Variants in RGS14 observed in about 807,000 individuals in gnomAD.
RGS14 encodes the protein regulator of G protein signaling 14, also known as regulator of G-protein signaling 14.
A neutral mutation model predicts 63.8 loss-of-function variants in RGS14; 33 were observed. That is an observed-to-expected ratio of 0.52 (90% CI 0.39 to 0.69). The LOEUF is 0.69. Among genes scored for constraint, RGS14 ranks in the 30% least tolerant of loss-of-function variants. The pLI is 0.00. For missense variants in RGS14, 739 were observed against 742.9 expected (o/e 0.99, Z 0.06); for synonymous variants, 296 against 320.9 (o/e 0.92, Z 0.83).
Position 177,367,563 on chromosome 5 carries a change from TG to T in RGS14, c.627+9del. 6.2e-7 allele frequency: 1 copy of T among 1,605,544 alleles called. No homozygotes were observed. The highest frequency in any genetic ancestry group is 8.5e-7 in the Non-Finnish European group (1 of 1,175,916). Reference sequence around the variant, plus strand: ...GCCCTGACGCCACGAGGAAGGTGCGTGGGACTGGGCGAGGGACTGGGCGAGG... The same window carrying T: ...GCCCTGACGCCACGAGGAAGGTGCGTGGACTGGGCGAGGGACTGGGCGAGG... On this transcript the variant is annotated splice_region_variant and intron_variant, in intron 6 of 14. Coordinates refer to ENST00000408923, the MANE Select transcript of RGS14 (RefSeq NM_006480.5).
chr5:177,367,799 G>A lies in RGS14; in HGVS notation c.713G>A (p.Arg238His). Reference sequence around the variant, plus strand: ...CCACCCGTTGAGGGTCCTGGGGGCCGCCCTCTCCGCAAGTCCTTCCGCCGG... The same window carrying A: ...CCACCCGTTGAGGGTCCTGGGGGCCACCCTCTCCGCAAGTCCTTCCGCCGG... ...QLPPVEGPGG[R>H]PLRKSFRREL... Residue 238 changes from arginine (R) to histidine (H), a missense_variant, in exon 7 of 15, where the codon CGC becomes CAC. Physicochemically the swap from Arg to His is conservative, Grantham distance 29. Coordinates refer to ENST00000408923, the MANE Select transcript of RGS14 (RefSeq NM_006480.5). The A allele has an allele frequency of 1.9e-6, 3 of 1,604,492 alleles. No individual in the cohort carries two copies. The highest frequency in any genetic ancestry group is 1.7e-6 in the Non-Finnish European group (2 of 1,175,606).
intron 5 of RGS14, 188 bp from the exon 6 acceptor site, chr5:177,367,226 C>T: frequency 1.9e-6 from 2 of 1,072,400 alleles, no homozygotes; most frequent in South Asian, 3.3e-5. Context: ...CAGTTAGAGG[C>T]GGAGCCTAGC....
intron 3 of RGS14, 69 bp downstream of exon 3, chr5:177,366,424 T>C (rs1018294742): frequency 2.9e-6 from 4 of 1,368,092 alleles, no homozygotes; most frequent in Admixed American, 2.5e-5. Flanking sequence ...AGCTTCAGGC[T>C]GGCCAGAGTG....
In RGS14 at chr5:177,358,665, G is replaced by A. The variant is rs1396988883; in HGVS notation, c.45+596G>A. ...AGGGCTGAGCACTAAGATCCCCCTG[G>A]CTGCAGCTGCCCCACCCCTTAACCC... On this transcript the variant is annotated intron_variant, in intron 1 of 14. Transcript: ENST00000408923. This position sits in a 1 kb window ranked among gnomAD's most constrained non-coding sequence, Gnocchi z 4.8. 2.0e-5 allele frequency among the ~76,000 whole-genome samples: 3 copies of A among 152,208 alleles called. No homozygotes were observed. Among genetic ancestry groups the A allele is most frequent in the African/African-American group, 7.2e-5 (3 of 41,440 alleles).
chr5:177,367,728 G>A lies in RGS14; in HGVS notation c.642G>A (p.Lys214=). 1 of 1,613,138 alleles carries A rather than the reference G, an allele frequency of 6.2e-7. No homozygotes were observed. The highest frequency in any genetic ancestry group is 2.2e-5 in the East Asian group (1 of 44,864). ...TGTACCCACAGAAGCCGAAGCTGAA[G>A]CCCGGGAAGTCGCTGCCGCTGGGTG... ...PDATRKKPKL[K]PGKSLPLGVE... The change falls in exon 7 of 15, where the codon AAG becomes AAA. Residue 214 remains lysine (K), a synonymous_variant. Coordinates refer to ENST00000408923, the MANE Select transcript of RGS14 (RefSeq NM_006480.5).
Position 177,358,591 on chromosome 5 carries a change from A to C in RGS14, c.45+522A>C, listed in dbSNP as rs1282558785. ...CAGCCCGGGATGGGGCAGCAGGGTCAGACTAGGTTGATGCAGCTTCTGCCT... is the reference window on the plus strand; with the variant it reads ...CAGCCCGGGATGGGGCAGCAGGGTCCGACTAGGTTGATGCAGCTTCTGCCT... On this transcript the variant is annotated intron_variant, in intron 1 of 14. Coordinates refer to ENST00000408923, the MANE Select transcript of RGS14 (RefSeq NM_006480.5). The surrounding 1 kb of genome is among the most constrained non-coding windows in gnomAD (Gnocchi z 4.8). Among the ~76,000 whole-genome samples, 1 of 152,216 alleles carries C rather than the reference A, an allele frequency of 6.6e-6. No individual in the cohort carries two copies. Among genetic ancestry groups the C allele is most frequent in the African/African-American group, 2.4e-5 (1 of 41,450 alleles).
rs1762226545 is a variant in RGS14, at chr5:177,370,897, C to T, written c.1128-8C>T. The T allele has an allele frequency of 2.5e-6, 4 of 1,601,074 alleles. No individual in the cohort carries two copies. The highest frequency in any genetic ancestry group is 1.3e-5 in the African/African-American group (1 of 74,818). ...TCCGGCCCTCTGCTGCCCGAGGGTTCCTCGCAGGCTGGAGCTGACGGCGCT... is the reference window on the plus strand; with the variant it reads ...TCCGGCCCTCTGCTGCCCGAGGGTTTCTCGCAGGCTGGAGCTGACGGCGCT... On this transcript the variant is annotated splice_region_variant and splice_polypyrimidine_tract_variant and intron_variant, in intron 10 of 14. Transcript: ENST00000408923.
In RGS14 at chr5:177,359,822, A is replaced by T. The variant is rs1761920979; in HGVS notation, c.45+1753A>T. ...ACTGGGATCTGAGGTGCGGATGTGG[A>T]TGGAGGGGCGCCTGGGGGACAGGTA... On this transcript the variant is annotated intron_variant, in intron 1 of 14. Transcript: ENST00000408923. This position sits in a 1 kb window ranked among gnomAD's most constrained non-coding sequence, Gnocchi z 4.4. Among the ~76,000 whole-genome samples the T allele has an allele frequency of 1.3e-5, 2 of 152,200 alleles. No individual in the cohort carries two copies. Among genetic ancestry groups the T allele is most frequent in the African/African-American group, 2.4e-5 (1 of 41,456 alleles).
chr5:177,366,371 G>A lies in RGS14; in HGVS notation c.246+16G>A, dbSNP rs373966913. On this transcript the variant is annotated intron_variant, in intron 3 of 14. Transcript: ENST00000408923. ...TTACTTCACTGTAAGCCTGGGGTAG[G>A]GAAAGGGAAGGGGGGACACGGGAGA... 199 of 1,530,770 alleles carry A rather than the reference G, an allele frequency of 1.3e-4. 2 individuals are homozygous for A. The African/African-American group carries it at 2.4e-3, about 18-fold the overall frequency. The allele number at this position is 1,530,770 out of a possible 1,614,324, so 94.8% of individuals were successfully genotyped here. A position where few individuals can be genotyped will look rare whatever the true frequency, so the allele number is the denominator to read the frequency against.
Position 177,366,206 on chromosome 5 carries a change from C to G in RGS14, c.97C>G (p.Gln33Glu). 1 of 1,609,130 alleles carries G rather than the reference C, an allele frequency of 6.2e-7. No individual in the cohort carries two copies. The highest frequency in any genetic ancestry group is 8.5e-7 in the Non-Finnish European group (1 of 1,178,694). The change falls in exon 3 of 15, where the codon CAG becomes GAG. Residue 33 changes from glutamine to glutamate, a missense_variant. Gln to Glu is a conservative substitution (Grantham distance 29). Coordinates refer to ENST00000408923, the MANE Select transcript of RGS14 (RefSeq NM_006480.5). ...ELSSTTGPQG[Q>E]GEGRGSSLSI... ...GAGCAGCACGACGGGGCCCCAGGGC[C>G]AGGGCGAGGGCCGCGGCAGCTCTCT...
intron 1 of RGS14, among the ~76,000 whole-genome samples, chr5:177,362,877 C>A (rs1761999748): frequency 6.6e-6 from 1 of 152,146 alleles, no homozygotes; most frequent in African/African-American, 2.4e-5. Context: ...GGAAAATAAA[C>A]CTGTGAGGGC....
intron 5 of RGS14, 174 bp from the exon 6 acceptor site, chr5:177,367,240 G>A (rs1458788268): frequency 1.5e-5 from 16 of 1,103,158 alleles, no homozygotes; most frequent in East Asian, 2.6e-5. Context: ...GCCTAGCTGA[G>A]CTCGGGGCGG....
chr5:177,372,419 A>T lies in RGS14; in HGVS notation c.*344A>T. 1 of 258,608 alleles carries T rather than the reference A, an allele frequency of 3.9e-6. No homozygotes were observed. The highest frequency in any genetic ancestry group is 5.0e-5 in the Admixed American group (1 of 19,838). The allele number at this position is 258,608 out of a possible 1,614,324, so 16.0% of individuals were successfully genotyped here. A position where few individuals can be genotyped will look rare whatever the true frequency, so the allele number is the denominator to read the frequency against. ...GCCAAGCTTCAACAGGGGCAAGAGG[A>T]GGGGCCGGCCCCTCCTCAGGAAGCT... On this transcript the variant is annotated 3_prime_UTR_variant, in exon 15 of 15. Transcript: ENST00000408923.
chr5:177,366,045 G>A, intron 2 of RGS14, 61 bp downstream of exon 2: 1 of 1,595,724 alleles, frequency 6.3e-7, no homozygotes, highest in Non-Finnish European at 8.6e-7. Context: ...GTGGAGATGG[G>A]TGGGGACACC....
chr5:177,367,356 A>T lies in RGS14; in HGVS notation c.484-58A>T, dbSNP rs540887284. 23 of 1,525,258 alleles carry T rather than the reference A, an allele frequency of 1.5e-5. No homozygotes were observed. In the African/African-American group the frequency reaches 2.3e-4, roughly 15 times the overall value. 94.5% of individuals were successfully genotyped at this position (1,525,258 alleles called of 1,614,324 possible). ...AGCCCCAAGGACCCGGCCTGGGTGC[A>T]GGCAGCCCAGCGCCCCCACCCCAGC... On this transcript the variant is annotated intron_variant, in intron 5 of 14. Coordinates refer to ENST00000408923, the MANE Select transcript of RGS14 (RefSeq NM_006480.5).
At position 177,364,961 on chromosome 5, in the gene RGS14, G is replaced by C. The variant is rs1232354404; in HGVS notation, c.46-1002G>C. Among the ~76,000 whole-genome samples the C allele has an allele frequency of 6.6e-6, 1 of 152,186 alleles. No homozygotes were observed. Among genetic ancestry groups the C allele is most frequent in the Non-Finnish European group, 1.5e-5 (1 of 68,036 alleles). ...TGGACCTACTGAACCTGAATCTCCA[G>C]AGGTGGGGTCCTCCCACTCTGCACT... On this transcript the variant is annotated intron_variant, in intron 1 of 14. Transcript: ENST00000408923. The surrounding 1 kb of genome is among the most constrained non-coding windows in gnomAD (Gnocchi z 4.6).
chr5:177,372,007 C>G lies in RGS14; in HGVS notation c.1633C>G (p.Pro545Ala). ...AGGGCCCAGCTCCGAGGAGACCCCA[C>G]CACAGACCAAATCAGCAGCCCAGCC... is the stretch of plus-strand genomic sequence containing the variant. ...AQGPSSEETPPQTKSAAQPIG... is the reference protein window; with the variant it reads ...AQGPSSEETPAQTKSAAQPIG... The change falls in exon 15 of 15, where the codon CCA (proline) becomes GCA (alanine). Residue 545 changes from proline to alanine, a missense_variant. Physicochemically the swap from Pro to Ala is conservative, Grantham distance 27 (BLOSUM62 -1). Coordinates refer to ENST00000408923, the MANE Select transcript of RGS14 (RefSeq NM_006480.5). The G allele has an allele frequency of 6.2e-7, 1 of 1,614,184 alleles. No individual in the cohort carries two copies. The highest frequency in any genetic ancestry group is 8.5e-7 in the Non-Finnish European group (1 of 1,180,026).
intron 6 of RGS14, 66 bp from the exon 7 acceptor site, chr5:177,367,648 C>A: frequency 6.3e-7 from 1 of 1,588,214 alleles, no homozygotes; most frequent in Non-Finnish European, 8.6e-7. Flanking sequence ...ATCTGCGAGT[C>A]TGTGCCCACG....
In RGS14 at chr5:177,359,691, T is replaced by A. The variant is rs1761916573; in HGVS notation, c.45+1622T>A. Among the ~76,000 whole-genome samples the A allele has an allele frequency of 6.6e-6, 1 of 152,214 alleles. No individual in the cohort carries two copies. On this transcript the variant is annotated intron_variant, in intron 1 of 14. Transcript: ENST00000408923. The surrounding 1 kb of genome is among the most constrained non-coding windows in gnomAD (Gnocchi z 4.4). ...CCCTTCCTGGGCCTGTTCCAAACTC[T>A]CTGTGCCACCTCTTAGAATCCCGAG... is the stretch of plus-strand genomic sequence containing the variant.
Sources: gnomAD v4.1 joint callset for allele counts (sites outside exome capture counted in the v4.1 genomes callset) on GRCh38, gnomAD v4.1.1 for gene constraint, Gnocchi (gnomAD v3.1) non-coding constraint, MANE v1.5 for transcripts, NCBI Gene and HGNC (gene_info 2026-07-23, HGNC 2026-07-21) for gene names.